SGCZ: variants seen among roughly 807,000 people sequenced by gnomAD.
SGCZ encodes the protein sarcoglycan zeta, also known as zeta-sarcoglycan.
Under a neutral mutation model 41.3 loss-of-function variants are expected in SGCZ, and 40 were observed. That is an observed-to-expected ratio of 0.97 (90% CI 0.75 to 1.26). The LOEUF (loss-of-function observed/expected upper bound fraction) is 1.26, where lower values mean the gene tolerates loss of function less well. Ranked by LOEUF, SGCZ falls within the 50% of genes most tolerant of loss-of-function variation. The pLI is 0.00. For synonymous variants in SGCZ, 206 were observed against 137.5 expected (o/e 1.50, Z -3.49); for missense variants, 552 against 369.8 (o/e 1.49, Z -4.04).
intron 1 of SGCZ, among the ~76,000 whole-genome samples, chr8:15,112,044 T>G (rs1444023719): frequency 6.6e-6 from 1 of 152,222 alleles, no homozygotes; most frequent in Non-Finnish European, 1.5e-5. Flanking sequence ...GGTAACACTA[T>G]GAGCACTATC....
chr8:14,146,890 A>AT (rs1554467203), intron 5 of SGCZ, among the ~76,000 whole-genome samples: 3 of 116,186 alleles, frequency 2.6e-5, no homozygotes, highest in Non-Finnish European at 3.6e-5. Flanking sequence ...AAAATAAAAA[A>AT]AATAATAATA....
At chr8:14,182,781 G>T (rs1420653881) in intron 4 of SGCZ, among the ~76,000 whole-genome samples, 1 of 151,966 alleles carries the variant, frequency 6.6e-6, no homozygotes, top group East Asian at 1.9e-4. Flanking sequence ...GGCCGAGAGG[G>T]GGCGGATCAC....
At chr8:14,819,649 T>A (rs1404856015) in intron 1 of SGCZ, among the ~76,000 whole-genome samples, 2 of 152,128 alleles carry the variant, frequency 1.3e-5, no homozygotes, top group East Asian at 3.9e-4. Flanking sequence ...TTAAAAATGC[T>A]CAAAAACAAT....
chr8:15,225,927 C>T (rs1311447054), intron 1 of SGCZ, among the ~76,000 whole-genome samples: 9 of 152,158 alleles, frequency 5.9e-5, no homozygotes, highest in Non-Finnish European at 1.2e-4. Context: ...CAATCCCATG[C>T]CTGCTTTGAT....
intron 3 of SGCZ, among the ~76,000 whole-genome samples, chr8:14,313,432 G>C (rs373091583): frequency 6.6e-6 from 1 of 152,114 alleles, no homozygotes; most frequent in Non-Finnish European, 1.5e-5. Flanking sequence ...TCATGCCTCA[G>C]CCTCCTCCCA....
intron 4 of SGCZ, chr8:14,164,960 G>A: frequency 2.6e-6 from 1 of 377,784 alleles, no homozygotes; most frequent in Non-Finnish European, 4.9e-6. Context: ...CCAGTTAAGA[G>A]CCCTTCACAT....
chr8:14,313,306 AT>A (rs1202882739), intron 3 of SGCZ, among the ~76,000 whole-genome samples: 1 of 152,036 alleles, frequency 6.6e-6, no homozygotes, highest in East Asian at 1.9e-4. Context: ...CCCAGGGCTG[AT>A]TTTTTAAATT....
intron 1 of SGCZ, among the ~76,000 whole-genome samples, chr8:14,584,458 A>G (rs1016388485): frequency 6.6e-6 from 1 of 152,136 alleles, no homozygotes; most frequent in African/African-American, 2.4e-5. Flanking sequence ...CAGAGAATAC[A>G]GGAGGAATTT....
intron 1 of SGCZ, among the ~76,000 whole-genome samples, chr8:14,726,324 CT>C (rs1563228561): frequency 7.4e-5 from 9 of 121,176 alleles, no homozygotes; most frequent in African/African-American, 2.9e-4. Context: ...ATATATATAT[CT>C]ATATATATAT....
At chr8:14,289,218 A>ATTT (rs71209038) in intron 3 of SGCZ, among the ~76,000 whole-genome samples, 35,475 of 149,448 alleles carry the variant, frequency 0.24, 5,216 homozygotes, top group South Asian at 0.45. Flanking sequence ...ACATAGTAGG[A>ATTT]TTTTTTTTTT....
At chr8:15,176,873 C>T (rs780298272) in intron 1 of SGCZ, among the ~76,000 whole-genome samples, 1 of 152,048 alleles carries the variant, frequency 6.6e-6, no homozygotes, top group African/African-American at 2.4e-5. Flanking sequence ...TGGTGGCAGG[C>T]GCCTGTAGTC....
At chr8:14,510,987 A>T (rs1802450413) in intron 2 of SGCZ, among the ~76,000 whole-genome samples, 1 of 152,056 alleles carries the variant, frequency 6.6e-6, no homozygotes, top group Non-Finnish European at 1.5e-5. Context: ...TTGAAAACCT[A>T]ACTGTTTTAT....
intron 5 of SGCZ, among the ~76,000 whole-genome samples, chr8:14,160,076 T>G (rs1478541417): frequency 6.6e-6 from 1 of 152,182 alleles, no homozygotes; most frequent in African/African-American, 2.4e-5. Flanking sequence ...GATTTCACGA[T>G]TCTTTCAGGT....
intron 1 of SGCZ, among the ~76,000 whole-genome samples, chr8:15,131,327 T>G (rs929828461): frequency 6.6e-6 from 1 of 152,188 alleles, no homozygotes; most frequent in African/African-American, 2.4e-5. Flanking sequence ...GGGTTTCCCC[T>G]TTCACTTGGC....
chr8:14,681,314 C>A (rs1158517119), intron 1 of SGCZ, among the ~76,000 whole-genome samples: 1 of 152,076 alleles, frequency 6.6e-6, no homozygotes, highest in African/African-American at 2.4e-5. Flanking sequence ...AGCCACAAGA[C>A]AATGAAGTGC....
chr8:14,588,351 C>T (rs1029969952), intron 1 of SGCZ, among the ~76,000 whole-genome samples: 4 of 151,954 alleles, frequency 2.6e-5, no homozygotes, highest in Admixed American at 6.6e-5. Flanking sequence ...AAGTAAGTTT[C>T]TTGAATTAAC....
At chr8:15,167,513 A>C (rs1349248787) in intron 1 of SGCZ, among the ~76,000 whole-genome samples, 1 of 152,218 alleles carries the variant, frequency 6.6e-6, no homozygotes, top group African/African-American at 2.4e-5. Context: ...TCAGCTTTAA[A>C]AGGTCTTAGC....
chr8:15,199,860 G>T (rs183233465), intron 1 of SGCZ, among the ~76,000 whole-genome samples: 1 of 152,234 alleles, frequency 6.6e-6, no homozygotes, highest in African/African-American at 2.4e-5. Flanking sequence ...GGGCAGAATA[G>T]GACAAGCATT....
intron 2 of SGCZ, among the ~76,000 whole-genome samples, chr8:14,486,978 G>C (rs1009880788): frequency 6.6e-6 from 1 of 152,118 alleles, no homozygotes; most frequent in African/African-American, 2.4e-5. Context: ...TGCAGTTCAG[G>C]ACTATGTTGT....
Sources: gnomAD v4.1 joint callset for allele counts (sites outside exome capture counted in the v4.1 genomes callset) on GRCh38, gnomAD v4.1.1 for gene constraint, MANE v1.5 for transcripts, NCBI Gene and HGNC (gene_info 2026-07-23, HGNC 2026-07-21) for gene names.